The following ULK4 variants were observed in gnomAD, a reference collection of about 807,000 sequenced individuals.
ULK4 encodes inactive serine/threonine-protein kinase ULK4.
ULK4 carries 133 observed loss-of-function variants against 160.6 expected under a neutral mutation model. That is an observed-to-expected ratio of 0.83 (90% CI 0.72 to 0.96). The LOEUF is 0.96. Among genes scored for constraint, ULK4 ranks in the 40% least tolerant of loss-of-function variants. ULK4 has a pLI of 0.00. For missense variants in ULK4, 1,580 were observed against 1,499.5 expected, an observed-to-expected ratio of 1.05 and a Z score of -0.89; for synonymous variants, 534 against 539.8, an observed-to-expected ratio of 0.99 and a Z score of 0.15.
chr3:41,743,981 T>C (rs886576806), intron 22 of ULK4, among the ~76,000 whole-genome samples: 1 of 151,876 alleles, frequency 6.6e-6, no homozygotes, highest in African/African-American at 2.4e-5. Flanking sequence ...ACTAGGTGTT[T>C]ACTCTTCATT....
chr3:41,939,073 G>T (rs184716930), intron 2 of ULK4, among the ~76,000 whole-genome samples: 9 of 152,084 alleles, frequency 5.9e-5, no homozygotes, highest in Admixed American at 5.9e-4. Context: ...ATTGAAAAGG[G>T]CAAGAAACAA....
Position 41,463,237 on chromosome 3 carries a change from G to A in ULK4, c.3243C>T (p.Ile1081=), listed in dbSNP as rs1262167988. ...LLYEQGLVSH[I]CNLLTETATL... ...TGGCAGTTTCAGTGAGCAGGTTACAGATGTGACTGACAAGTCCTGAGGGTA... is the reference window on the plus strand; with the variant it reads ...TGGCAGTTTCAGTGAGCAGGTTACAAATGTGACTGACAAGTCCTGAGGGTA... The change falls in exon 33 of 37, where the codon ATC becomes ATT. Residue 1081 remains isoleucine, a synonymous_variant. Coordinates refer to ENST00000301831, the MANE Select transcript of ULK4 (RefSeq NM_017886.4). The A allele has an allele frequency of 1.9e-6, 3 of 1,613,246 alleles. No individual in the cohort carries two copies. In the Admixed American group the frequency reaches 5.0e-5, roughly 27 times the overall value.
chr3:41,869,564 G>C (rs1025383219), intron 17 of ULK4, among the ~76,000 whole-genome samples: 38 of 151,592 alleles, frequency 2.5e-4, no homozygotes, highest in Non-Finnish European at 3.1e-4. Context: ...TGGGTGACCG[G>C]GTGAGACTCT....
chr3:41,831,044 A>ATTTATTTAT (rs1292356260), intron 18 of ULK4, among the ~76,000 whole-genome samples: 1 of 151,174 alleles, frequency 6.6e-6, no homozygotes. Context: ...TGATTTATTT[A>ATTTATTTAT]TTAGACAGGG....
At chr3:41,715,637 G>A in intron 23 of ULK4, 69 bp from the exon 24 acceptor site, 3 of 1,594,764 alleles carry the variant, frequency 1.9e-6, no homozygotes, top group Non-Finnish European at 2.6e-6. Context: ...ACTGGTCATT[G>A]CTTGAATACC....
At chr3:41,568,584 C>T (rs2087864785) in intron 31 of ULK4, among the ~76,000 whole-genome samples, 1 of 152,164 alleles carries the variant, frequency 6.6e-6, no homozygotes, top group Admixed American at 6.5e-5. Context: ...GCAGAACTCA[C>T]TCATACAAGC....
intron 33 of ULK4, 139 bp downstream of exon 33, chr3:41,462,948 T>C: frequency 9.4e-7 from 1 of 1,064,712 alleles, no homozygotes; most frequent in Non-Finnish European, 1.3e-6. Context: ...AGATGACTCT[T>C]CAGAAGACAC....
chr3:41,333,036 A>G (rs2080479566), intron 35 of ULK4, among the ~76,000 whole-genome samples: 2 of 150,034 alleles, frequency 1.3e-5, no homozygotes, highest in South Asian at 4.2e-4. Flanking sequence ...ATAATAACAC[A>G]CTTCTAGGTA....
rs1472598970 is a variant in ULK4, at chr3:41,372,340, T to C, written c.3678+25739A>G. ...GGAAGAGCAACCCCAAGAAACACAATTGTCAAATTCACCAAGGTTAAAATA... is the reference window on the plus strand; with the variant it reads ...GGAAGAGCAACCCCAAGAAACACAACTGTCAAATTCACCAAGGTTAAAATA... On this transcript the variant is annotated intron_variant, in intron 35 of 36. Transcript: ENST00000301831. 3.3e-5 allele frequency among the ~76,000 whole-genome samples: 5 copies of C among 151,824 alleles called. No homozygotes were observed. The East Asian group carries it at 5.8e-4, about 18-fold the overall frequency.
At chr3:41,653,386 C>T (rs553955458) in intron 30 of ULK4, among the ~76,000 whole-genome samples, 7 of 152,166 alleles carry the variant, frequency 4.6e-5, no homozygotes, top group Admixed American at 6.5e-5. Context: ...CCTGACTGGC[C>T]CTGGTTCTTC....
chr3:41,899,673 ATTC>A (rs770328666), intron 13 of ULK4, among the ~76,000 whole-genome samples: 4 of 152,120 alleles, frequency 2.6e-5, no homozygotes, highest in Admixed American at 1.3e-4. Context: ...CCCCAAGACA[ATTC>A]TTCTTCCAAT....
intron 32 of ULK4, among the ~76,000 whole-genome samples, chr3:41,537,380 A>T (rs1405577940): frequency 6.6e-6 from 1 of 152,114 alleles, no homozygotes; most frequent in Non-Finnish European, 1.5e-5. Context: ...GACTTTCATG[A>T]TATCCTCTCT....
At chr3:41,798,550 A>G (rs540822173) in intron 20 of ULK4, among the ~76,000 whole-genome samples, 1 of 152,340 alleles carries the variant, frequency 6.6e-6, no homozygotes, top group South Asian at 2.1e-4. Flanking sequence ...AAAAATTTCC[A>G]TAAATACCCA....
intron 31 of ULK4, among the ~76,000 whole-genome samples, chr3:41,585,423 T>C (rs1268668152): frequency 6.6e-6 from 1 of 152,170 alleles, no homozygotes; most frequent in Admixed American, 6.5e-5. Context: ...GAAAATGAGA[T>C]ACTCTTTTCA....
intron 20 of ULK4, among the ~76,000 whole-genome samples, chr3:41,794,677 A>C (rs1440181563): frequency 1.5e-5 from 2 of 131,850 alleles, no homozygotes; most frequent in East Asian, 2.0e-4. Context: ...AAAAAAAAAA[A>C]AAAAAAAAAC....
intron 35 of ULK4, among the ~76,000 whole-genome samples, chr3:41,299,717 C>T (rs532600846): frequency 7.9e-5 from 12 of 152,322 alleles, no homozygotes; most frequent in East Asian, 3.9e-4. Flanking sequence ...AGTGAGCACA[C>T]TATTTTTGTT....
At chr3:41,773,605 A>G (rs1283369301) in intron 21 of ULK4, among the ~76,000 whole-genome samples, 1 of 152,178 alleles carries the variant, frequency 6.6e-6, no homozygotes, top group Non-Finnish European at 1.5e-5. Flanking sequence ...TTCCATGCTC[A>G]TGGATAGGAA....
At chr3:41,842,815 C>G (rs977133715) in intron 17 of ULK4, among the ~76,000 whole-genome samples, 11 of 152,212 alleles carry the variant, frequency 7.2e-5, no homozygotes, top group African/African-American at 2.7e-4. Flanking sequence ...ACAGGCATTA[C>G]TGGTGGGATA....
rs57559220 is a variant in ULK4, at chr3:41,707,836, G to GA, written c.2635-2532dup. ...GGGCAAGACCTTGTCTCCAAAAAAA[G>GA]AAAAAAAAAAAAGTCAAAGGATTGA... is the stretch of plus-strand genomic sequence containing the variant. On this transcript the variant is annotated intron_variant, in intron 25 of 36. Coordinates refer to ENST00000301831, the MANE Select transcript of ULK4 (RefSeq NM_017886.4). Among the ~76,000 whole-genome samples, 120 of 123,034 alleles carry GA rather than the reference G, an allele frequency of 9.8e-4. 1 individual carries two copies. Among genetic ancestry groups the GA allele is most frequent in the Admixed American group, 1.5e-3 (18 of 12,114 alleles). The allele number at this position is 123,034 out of a possible 152,430, so 80.7% of individuals were successfully genotyped here.
Sources: gnomAD v4.1 joint callset for allele counts (sites outside exome capture counted in the v4.1 genomes callset) on GRCh38, gnomAD v4.1.1 for gene constraint, MANE v1.5 for transcripts, NCBI Gene and HGNC (gene_info 2026-07-23, HGNC 2026-07-21) for gene names.